Variants in GRB2 observed in about 807,000 individuals in gnomAD.
The protein encoded by GRB2 is growth factor receptor-bound protein 2.
Under a neutral mutation model 27.4 loss-of-function variants are expected in GRB2, and 2 were observed. That is an observed-to-expected ratio of 0.07 (90% CI 0.03 to 0.23). The LOEUF is 0.23. Among genes scored for constraint, GRB2 ranks in the 10% least tolerant of loss-of-function variants. The pLI, the probability that GRB2 is intolerant of heterozygous loss-of-function variation, is 1.00. For synonymous variants in GRB2, 94 were observed against 99.6 expected, an observed-to-expected ratio of 0.94 and a Z score of 0.33; for missense variants, 102 against 282.4, an observed-to-expected ratio of 0.36 and a Z score of 4.58.
intron 1 of GRB2, among the ~76,000 whole-genome samples, chr17:75,401,225 C>T (rs1241240671): frequency 1.3e-5 from 2 of 151,532 alleles, no homozygotes; most frequent in Non-Finnish European, 2.9e-5. Context: ...GCGGGTGGAT[C>T]ACGAGGTCAG....
chr17:75,393,135 G>A (rs17491717), intron 2 of GRB2, among the ~76,000 whole-genome samples: 2,686 of 152,226 alleles, frequency 0.018, 29 homozygotes, highest in Non-Finnish European at 0.029. Flanking sequence ...ATTCCAGAAC[G>A]CAAAATCCTT....
chr17:75,391,595 T>G (rs1415758504), intron 2 of GRB2, among the ~76,000 whole-genome samples: 1 of 152,074 alleles, frequency 6.6e-6, no homozygotes, highest in South Asian at 2.1e-4. Flanking sequence ...GATCACGAGG[T>G]CAGGAGATTG....
At chr17:75,337,567 T>C (rs1224419042) in intron 2 of GRB2, among the ~76,000 whole-genome samples, 8 of 127,904 alleles carry the variant, frequency 6.3e-5, no homozygotes, top group Admixed American at 3.7e-4. Flanking sequence ...TTTATTACTG[T>C]TACTATTTTT....
intron 2 of GRB2, among the ~76,000 whole-genome samples, chr17:75,343,049 C>CAAAAAAAAAAAAAAAAAAA (rs56264803): frequency 1.9e-4 from 11 of 58,592 alleles, no homozygotes; most frequent in African/African-American, 5.0e-4. Context: ...AACCTTGTCT[C>CAAAAAAAAAAAAAAAAAAA]AAAAAAAAAA....
chr17:75,340,507 G>A (rs1567861004), intron 2 of GRB2, among the ~76,000 whole-genome samples: 1 of 152,128 alleles, frequency 6.6e-6, no homozygotes, highest in Non-Finnish European at 1.5e-5. Flanking sequence ...CAAGTTCCTA[G>A]AAAAGAGAAA....
intron 2 of GRB2, among the ~76,000 whole-genome samples, chr17:75,342,663 G>A (rs961299276): frequency 6.6e-6 from 1 of 152,126 alleles, no homozygotes; most frequent in Non-Finnish European, 1.5e-5. Context: ...AGGTAAAGGA[G>A]GTAAGAGAAT....
intron 2 of GRB2, among the ~76,000 whole-genome samples, chr17:75,342,349 G>T (rs1189721479): frequency 6.6e-6 from 1 of 152,070 alleles, no homozygotes; most frequent in Non-Finnish European, 1.5e-5. Context: ...ACTTATATGT[G>T]GGGGCTTTGT....
At chr17:75,362,829 A>C (rs1201027221) in intron 2 of GRB2, among the ~76,000 whole-genome samples, 3 of 152,230 alleles carry the variant, frequency 2.0e-5, no homozygotes, top group Admixed American at 1.3e-4. Flanking sequence ...CCCCACCTCC[A>C]GCCAAGCTCA....
intron 1 of GRB2, among the ~76,000 whole-genome samples, chr17:75,397,900 G>A (rs1276753003): frequency 6.6e-6 from 1 of 151,854 alleles, no homozygotes; most frequent in African/African-American, 2.4e-5. Flanking sequence ...GGACTGCAGT[G>A]TCACGATCTC....
intron 2 of GRB2, among the ~76,000 whole-genome samples, chr17:75,352,060 T>C (rs1294513996): frequency 6.6e-6 from 1 of 152,236 alleles, no homozygotes; most frequent in Admixed American, 6.5e-5. Flanking sequence ...AATATAACTA[T>C]TGTTAACAGG....
intron 2 of GRB2, chr17:75,338,877 G>GCAT: frequency 1.2e-6 from 1 of 801,064 alleles, no homozygotes; most frequent in East Asian, 2.4e-5. Flanking sequence ...AGTGTGGCAA[G>GCAT]CATCAACCCC....
intron 1 of GRB2, among the ~76,000 whole-genome samples, chr17:75,401,002 G>A (rs955139227): frequency 6.7e-6 from 1 of 148,756 alleles, no homozygotes; most frequent in Non-Finnish European, 1.5e-5. Context: ...TTGCTCTGTC[G>A]CCCAGGCTAG....
intron 4 of GRB2, among the ~76,000 whole-genome samples, chr17:75,323,236 A>G (rs756314373): frequency 6.6e-6 from 1 of 152,112 alleles, no homozygotes; most frequent in Non-Finnish European, 1.5e-5. Context: ...CAGAAAATCA[A>G]TCCGGCAGGT....
chr17:75,325,236 C>A (rs2078490881), intron 4 of GRB2, among the ~76,000 whole-genome samples: 1 of 151,640 alleles, frequency 6.6e-6, no homozygotes, highest in Admixed American at 6.6e-5. Context: ...TGGGGAGGGT[C>A]CTATGATAAT....
At chr17:75,359,045 T>A (rs2078758683) in intron 2 of GRB2, among the ~76,000 whole-genome samples, 1 of 142,850 alleles carries the variant, frequency 7.0e-6, no homozygotes, top group African/African-American at 2.6e-5. Context: ...AAATTCTGTC[T>A]CTATTTAAAA....
intron 2 of GRB2, among the ~76,000 whole-genome samples, chr17:75,344,920 G>C (rs554094711): frequency 1.3e-5 from 2 of 151,590 alleles, no homozygotes; most frequent in South Asian, 4.2e-4. Flanking sequence ...ACCCGCTCCT[G>C]TGTGTCAGTT....
At chr17:75,358,864 C>A (rs2078754888) in intron 2 of GRB2, among the ~76,000 whole-genome samples, 2 of 113,442 alleles carry the variant, frequency 1.8e-5, no homozygotes, top group African/African-American at 7.0e-5. Context: ...AGCATGGCGA[C>A]AGGGCAAGAC....
chr17:75,387,790 T>TTCGCC (rs1196757950), intron 2 of GRB2: 2 of 151,258 alleles, frequency 1.3e-5, no homozygotes, highest in Non-Finnish European at 2.9e-5. Context: ...AGAGTGAGAC[T>TTCGCC]TCGCCTAAAA....
In GRB2 at chr17:75,393,660, A is replaced by G. The variant is rs2079012189; in HGVS notation, c.-32T>C. The G allele has an allele frequency of 6.3e-7, 1 of 1,578,554 alleles. No homozygotes were observed. The highest frequency in any genetic ancestry group is 1.1e-5 in the South Asian group (1 of 90,374). ...CGCTGCTCAGTGCTCAGCAGCCTGA[A>G]GCAGGGGGAAGGGAGTCTTCCCTGC... On this transcript the variant is annotated 5_prime_UTR_variant, in exon 2 of 6. Transcript: ENST00000316804.
Sources: gnomAD v4.1 joint callset for allele counts (sites outside exome capture counted in the v4.1 genomes callset) on GRCh38, gnomAD v4.1.1 for gene constraint, MANE v1.5 for transcripts, NCBI Gene and HGNC (gene_info 2026-07-23, HGNC 2026-07-21) for gene names.